The following DOCK4 variants were observed in gnomAD, a reference collection of about 807,000 sequenced individuals.
The protein encoded by DOCK4 is dedicator of cytokinesis 4.
Under a neutral mutation model 268.1 loss-of-function variants are expected in DOCK4, and 97 were observed. That is an observed-to-expected ratio of 0.36 (90% confidence interval 0.31 to 0.43). The LOEUF is 0.43. Ranked by LOEUF, DOCK4 falls within the 20% of genes least tolerant of loss-of-function variation. The pLI, the probability that DOCK4 is intolerant of heterozygous loss-of-function variation, is 1.00. For synonymous variants in DOCK4, 954 were observed against 887.2 expected (o/e 1.08, Z -1.34); for missense variants, 2,145 against 2,455.7 (o/e 0.87, Z 2.67).
intron 42 of DOCK4, among the ~76,000 whole-genome samples, chr7:111,748,257 A>G (rs1241972399): frequency 6.6e-6 from 1 of 152,156 alleles, no homozygotes; most frequent in Non-Finnish European, 1.5e-5. Flanking sequence ...GGTCACTTGG[A>G]TCATCTTAAA....
intron 25 of DOCK4, among the ~76,000 whole-genome samples, chr7:111,837,491 G>T (rs1803322733): frequency 6.6e-6 from 1 of 152,176 alleles, no homozygotes; most frequent in African/African-American, 2.4e-5. Context: ...AAGCGTAGCT[G>T]TGTATATAGA....
Position 111,926,207 on chromosome 7 carries a change from C to T in DOCK4, c.1066+9333G>A, listed in dbSNP as rs570729540. On this transcript the variant is annotated intron_variant, in intron 12 of 52. Coordinates refer to ENST00000428084, the MANE Select transcript of DOCK4 (RefSeq NM_001363540.2). ...GGGCAAGGTGGGCAGATCACGAGGTCAGGAGATCGAGACTATCCTGGCCAA... is the reference window on the plus strand; with the variant it reads ...GGGCAAGGTGGGCAGATCACGAGGTTAGGAGATCGAGACTATCCTGGCCAA... 3.6e-4 allele frequency among the ~76,000 whole-genome samples: 52 copies of T among 145,320 alleles called. 1 individual carries two copies. The highest frequency in any genetic ancestry group is 1.1e-3 in the South Asian group (5 of 4,548).
intron 30 of DOCK4, among the ~76,000 whole-genome samples, chr7:111,794,841 A>G (rs1211764341): frequency 2.6e-5 from 4 of 152,180 alleles, no homozygotes; most frequent in Non-Finnish European, 5.9e-5. Context: ...AATGGGACTC[A>G]CTACAGGCCT....
At chr7:112,113,721 C>T (rs1811865062) in intron 1 of DOCK4, among the ~76,000 whole-genome samples, 1 of 136,622 alleles carries the variant, frequency 7.3e-6, no homozygotes, top group Non-Finnish European at 1.5e-5. Context: ...GCATGCACCA[C>T]CATACTTGGC....
chr7:112,204,144 T>C (rs548472443), intron 1 of DOCK4, among the ~76,000 whole-genome samples: 9 of 152,210 alleles, frequency 5.9e-5, no homozygotes, highest in African/African-American at 2.2e-4. Flanking sequence ...ACTGATAATA[T>C]CCGGTTTGCC....
At chr7:111,900,647 A>G (rs906960815) in intron 14 of DOCK4, 111 bp from the exon 15 acceptor site, 203 of 1,138,208 alleles carry the variant, frequency 1.8e-4, no homozygotes, top group Non-Finnish European at 2.3e-4. Flanking sequence ...GCACTATGAA[A>G]TTACCTCGCT....
chr7:112,019,619 T>C (rs1199029089), intron 1 of DOCK4, among the ~76,000 whole-genome samples: 3 of 152,150 alleles, frequency 2.0e-5, no homozygotes, highest in Non-Finnish European at 1.5e-5. Context: ...TGCTTAAAAA[T>C]TCTGAGTTTA....
At position 111,868,038 on chromosome 7, in the gene DOCK4, G is replaced by A. The variant is rs749295216; in HGVS notation, c.2226C>T (p.Val742=). The A allele has an allele frequency of 3.1e-6, 5 of 1,612,810 alleles. No individual in the cohort carries two copies. Among genetic ancestry groups the A allele is most frequent in the Non-Finnish European group, 4.2e-6 (5 of 1,179,370 alleles). ...RCCIQELLMS[V]RFFLSQESKG... is the part of the protein sequence containing the mutation. ...TGCTCTCTTGCGAAAGAAAGAAACG[G>A]ACTGACATGAGAAGCTCCTGAATGC... The change falls in exon 22 of 53, where the codon GTC becomes GTT. Residue 742 remains valine (V), a synonymous_variant. Coordinates refer to ENST00000428084, the MANE Select transcript of DOCK4 (RefSeq NM_001363540.2).
chr7:111,786,900 T>C (rs532631532), intron 32 of DOCK4, among the ~76,000 whole-genome samples: 4 of 152,314 alleles, frequency 2.6e-5, no homozygotes, highest in African/African-American at 9.6e-5. Flanking sequence ...ATTTGATTTA[T>C]TCCCAATATG....
Position 111,741,620 on chromosome 7 carries a change from A to C in DOCK4, c.4839T>G (p.Pro1613=). The change falls in exon 46 of 53, where the codon CCT becomes CCG. Residue 1613 remains proline, a synonymous_variant. Transcript: ENST00000428084. Reference sequence around the variant, plus strand: ...TTCTACACACACGAGGGCTTCCATTAGGAAAATGGACAGGACTGGCTTGCA... The same window carrying C: ...TTCTACACACACGAGGGCTTCCATTCGGAAAATGGACAGGACTGGCTTGCA... The part of the protein sequence containing the change: ...ACMQASPVHF[P]NGSPRVCRNS... 6.2e-7 allele frequency: 1 copy of C among 1,613,636 alleles called. No homozygotes were observed. The highest frequency in any genetic ancestry group is 8.5e-7 in the Non-Finnish European group (1 of 1,179,728).
intron 1 of DOCK4, among the ~76,000 whole-genome samples, chr7:112,139,991 T>C (rs1814743697): frequency 1.3e-5 from 2 of 152,128 alleles, no homozygotes; most frequent in African/African-American, 4.8e-5. Context: ...TTAGTTACCA[T>C]ACAGCTCAAT....
chr7:111,789,704 C>A (rs1799402510), intron 31 of DOCK4, among the ~76,000 whole-genome samples: 1 of 152,184 alleles, frequency 6.6e-6, no homozygotes, highest in Non-Finnish European at 1.5e-5. Context: ...TGTCTGCAGT[C>A]AGATTGCTTG....
intron 1 of DOCK4, among the ~76,000 whole-genome samples, chr7:112,045,827 T>G (rs558836998): frequency 1.4e-4 from 21 of 152,192 alleles, no homozygotes; most frequent in Non-Finnish European, 2.2e-4. Flanking sequence ...AGCAAAGCCA[T>G]AGCAAATACT....
intron 12 of DOCK4, among the ~76,000 whole-genome samples, chr7:111,931,055 T>C (rs913776486): frequency 6.6e-6 from 1 of 152,014 alleles, no homozygotes; most frequent in Non-Finnish European, 1.5e-5. Context: ...AGAAGGCAGA[T>C]AGATGCAGGC....
intron 39 of DOCK4, among the ~76,000 whole-genome samples, chr7:111,762,762 C>CTTTTCTTTTTTTTTTTTTTT (rs1797507186): frequency 1.6e-5 from 1 of 63,068 alleles, no homozygotes; most frequent in Non-Finnish European, 3.0e-5. Context: ...GTTTTGTTTT[C>CTTTTCTTTTTTTTTTTTTTT]TTTTTTTTTT....
intron 30 of DOCK4, among the ~76,000 whole-genome samples, chr7:111,791,304 C>CACACAT (rs1004475799): frequency 1.3e-5 from 2 of 149,218 alleles, no homozygotes; most frequent in Admixed American, 6.7e-5. Flanking sequence ...CACACACACA[C>CACACAT]ATATATCTTA....
chr7:112,134,941 C>T lies in DOCK4; in HGVS notation c.37+71161G>A, dbSNP rs1814179810. On this transcript the variant is annotated intron_variant, in intron 1 of 52. Coordinates refer to ENST00000428084, the MANE Select transcript of DOCK4 (RefSeq NM_001363540.2). ...CATTTACTTCAGTAATTTCCTTAAC[C>T]AGTATTCACCTATGATTGCTATAAA... Among the ~76,000 whole-genome samples the T allele has an allele frequency of 2.6e-5, 4 of 151,930 alleles. No individual in the cohort carries two copies. In the South Asian group the frequency reaches 8.3e-4, roughly 31 times the overall value.
intron 8 of DOCK4, among the ~76,000 whole-genome samples, chr7:111,952,393 C>T (rs1384729838): frequency 6.6e-6 from 1 of 152,144 alleles, no homozygotes. Context: ...TGCTTCTGTC[C>T]TCTGTGCCTC....
chr7:111,876,510 A>C (rs1010477849), intron 17 of DOCK4, among the ~76,000 whole-genome samples: 2 of 152,092 alleles, frequency 1.3e-5, no homozygotes, highest in Non-Finnish European at 1.5e-5. Context: ...ACGATAAAAA[A>C]CTCAAAAATG....
Sources: gnomAD v4.1 joint callset for allele counts (sites outside exome capture counted in the v4.1 genomes callset) on GRCh38, gnomAD v4.1.1 for gene constraint, MANE v1.5 for transcripts, NCBI Gene and HGNC (gene_info 2026-07-23, HGNC 2026-07-21) for gene names.